FHOD3: variants seen among roughly 807,000 people sequenced by gnomAD.
FHOD3 encodes the protein formin homology 2 domain containing 3, also known as FH1/FH2 domain-containing protein 3.
Under a neutral mutation model 173.0 loss-of-function variants are expected in FHOD3, and 90 were observed. The ratio of observed to expected loss-of-function variants is 0.52; its 90% CI spans 0.44 to 0.62. FHOD3 has a LOEUF of 0.62. Ranked by LOEUF, FHOD3 falls within the 20% of genes least tolerant of loss-of-function variation. FHOD3 has a pLI of 0.00. For synonymous variants in FHOD3, 828 were observed against 823.0 expected (o/e 1.01, Z -0.10); for missense variants, 1,945 against 2,034.7 (o/e 0.96, Z 0.85).
chr18:36,596,473 G>C (rs1018297566), intron 7 of FHOD3, among the ~76,000 whole-genome samples: 2 of 151,858 alleles, frequency 1.3e-5, no homozygotes, highest in African/African-American at 4.8e-5. Context: ...GTGAGCCAGC[G>C]TGCCCAGCCA....
chr18:36,652,527 A>C (rs1306023817), intron 11 of FHOD3, 43 bp from the exon 12 acceptor site: 2 of 1,492,352 alleles, frequency 1.3e-6, no homozygotes, highest in Admixed American at 2.2e-5. Context: ...TTCTCTCCCA[A>C]ATCTTTTTTT....
At chr18:36,581,836 C>T (rs953098696) in intron 6 of FHOD3, among the ~76,000 whole-genome samples, 8 of 151,980 alleles carry the variant, frequency 5.3e-5, no homozygotes, top group African/African-American at 1.9e-4. Context: ...AAATAAGTAA[C>T]GTGGTGTGTA....
At chr18:36,433,627 AAGTG>A (rs1456606430) in intron 3 of FHOD3, among the ~76,000 whole-genome samples, 5 of 152,230 alleles carry the variant, frequency 3.3e-5, no homozygotes, top group African/African-American at 4.8e-5. Context: ...TATGAACAGA[AAGTG>A]AGAGTAAGCA....
chr18:36,342,219 G>A (rs1314634938), intron 1 of FHOD3, among the ~76,000 whole-genome samples: 1 of 152,104 alleles, frequency 6.6e-6, no homozygotes, highest in Admixed American at 6.5e-5. Flanking sequence ...AGGAGCATAA[G>A]AAGCATATGA....
intron 19 of FHOD3, among the ~76,000 whole-genome samples, chr18:36,721,964 C>A (rs1336437518): frequency 1.3e-5 from 2 of 152,106 alleles, no homozygotes; most frequent in South Asian, 2.1e-4. Context: ...CTAAGCCACC[C>A]AAAAACAAAG....
At chr18:36,488,482 G>A (rs79966933) in intron 3 of FHOD3, among the ~76,000 whole-genome samples, 1,971 of 152,300 alleles carry the variant, frequency 0.013, 42 homozygotes, top group African/African-American at 0.045. Context: ...AGGAAGACCT[G>A]ACAGATGACA....
chr18:36,653,304 C>A, intron 12 of FHOD3, 38 bp from the exon 13 acceptor site: 1 of 1,449,096 alleles, frequency 6.9e-7, no homozygotes, highest in Non-Finnish European at 9.3e-7. Context: ...GCTATCTTTC[C>A]GTGCCACATT....
intron 10 of FHOD3, among the ~76,000 whole-genome samples, chr18:36,641,409 T>C (rs2035296693): frequency 6.6e-6 from 1 of 152,224 alleles, no homozygotes; most frequent in Non-Finnish European, 1.5e-5. Flanking sequence ...CCTAGGTCAG[T>C]AGACATGTTG....
chr18:36,412,896 TCA>T (rs906208618), intron 3 of FHOD3, among the ~76,000 whole-genome samples: 9 of 152,202 alleles, frequency 5.9e-5, no homozygotes, highest in Admixed American at 1.3e-4. Context: ...GGATGGAAGC[TCA>T]CAGAGGTCAT....
chr18:36,407,391 TGTGAG>T (rs1230521529), intron 3 of FHOD3, among the ~76,000 whole-genome samples: 8 of 152,224 alleles, frequency 5.3e-5, no homozygotes, highest in African/African-American at 1.9e-4. Context: ...TGCCGGTGCT[TGTGAG>T]CACTAATGAT....
chr18:36,730,226 A>G (rs1175422042), intron 19 of FHOD3, among the ~76,000 whole-genome samples: 1 of 152,192 alleles, frequency 6.6e-6, no homozygotes, highest in Non-Finnish European at 1.5e-5. Flanking sequence ...CTCTCTTCTC[A>G]GCATGTAAAC....
intron 3 of FHOD3, among the ~76,000 whole-genome samples, chr18:36,415,868 CAGAG>C (rs978833119): frequency 2.6e-5 from 4 of 152,138 alleles, no homozygotes; most frequent in African/African-American, 9.7e-5. Flanking sequence ...CCCTGCAAGA[CAGAG>C]AGAAAGAAAT....
chr18:36,741,527 T>C (rs568570333), intron 21 of FHOD3, among the ~76,000 whole-genome samples: 1 of 152,206 alleles, frequency 6.6e-6, no homozygotes, highest in East Asian at 1.9e-4. Context: ...CCCAGCACTT[T>C]GGGAGGCTGA....
chr18:36,407,752 C>A (rs1391478844), intron 3 of FHOD3, among the ~76,000 whole-genome samples: 1 of 152,192 alleles, frequency 6.6e-6, no homozygotes, highest in African/African-American at 2.4e-5. Context: ...CATTCCTGAG[C>A]TGCCTGGGTT....
At chr18:36,395,042 G>A (rs1317290602) in intron 3 of FHOD3, among the ~76,000 whole-genome samples, 2 of 152,048 alleles carry the variant, frequency 1.3e-5, no homozygotes, top group African/African-American at 2.4e-5. Flanking sequence ...ACACAAGAGT[G>A]GATAGAATTA....
intron 3 of FHOD3, among the ~76,000 whole-genome samples, chr18:36,458,862 G>A (rs2052384155): frequency 6.6e-6 from 1 of 151,972 alleles, no homozygotes; most frequent in Non-Finnish European, 1.5e-5. Context: ...CATGGAACTT[G>A]GCGTATTTTT....
intron 5 of FHOD3, among the ~76,000 whole-genome samples, chr18:36,513,650 G>T: frequency 6.6e-6 from 1 of 152,026 alleles, no homozygotes; most frequent in Non-Finnish European, 1.5e-5. Flanking sequence ...GTTTTGTTTT[G>T]CCCCGAGAAT....
intron 1 of FHOD3, among the ~76,000 whole-genome samples, chr18:36,320,969 T>C (rs1598702012): frequency 6.6e-6 from 1 of 151,944 alleles, no homozygotes; most frequent in South Asian, 2.1e-4. Context: ...TGTTGGGAGG[T>C]AACCAGTGCC....
intron 3 of FHOD3, among the ~76,000 whole-genome samples, chr18:36,474,662 C>A (rs2053458928): frequency 6.6e-6 from 1 of 152,174 alleles, no homozygotes; most frequent in Non-Finnish European, 1.5e-5. Flanking sequence ...CCTTGGAAAC[C>A]CCACGGAAGA....
Sources: gnomAD v4.1 joint callset for allele counts (sites outside exome capture counted in the v4.1 genomes callset) on GRCh38, gnomAD v4.1.1 for gene constraint, MANE v1.5 for transcripts, NCBI Gene and HGNC (gene_info 2026-07-23, HGNC 2026-07-21) for gene names.